Variants in HYCC1 observed in about 807,000 individuals in gnomAD.
HYCC1 encodes the protein hyccin PI4KA lipid kinase complex subunit 1.
the HYCC1 span, among the ~76,000 whole-genome samples, chr7:22,951,006 T>C: frequency 1.3e-4 from 19 of 151,986 alleles, no homozygotes; most frequent in African/African-American, 4.3e-4. Context: ...TATGCACAAA[T>C]AGGTAAACTC....
the HYCC1 span, among the ~76,000 whole-genome samples, chr7:22,997,385 G>C: frequency 6.6e-6 from 1 of 151,980 alleles, no homozygotes; most frequent in African/African-American, 2.4e-5. Flanking sequence ...TCATTATGAA[G>C]CTTAAGTTTC....
At chr7:22,935,869 G>T in the HYCC1 span, 1 of 148,676 alleles carries the variant, frequency 6.7e-6, no homozygotes, top group African/African-American at 2.4e-5. Context: ...GGCTGGTCTT[G>T]AACTTCTGAC....
the HYCC1 span, among the ~76,000 whole-genome samples, chr7:22,969,463 C>A: frequency 6.7e-6 from 1 of 149,538 alleles, no homozygotes; most frequent in African/African-American, 2.5e-5. Context: ...AACGTCTGGC[C>A]ATCCTGAGGC....
the HYCC1 span, among the ~76,000 whole-genome samples, chr7:22,962,870 T>A: frequency 6.7e-6 from 1 of 148,304 alleles, no homozygotes; most frequent in South Asian, 2.2e-4. Flanking sequence ...AAGAAACCTA[T>A]CTGCAGTGGA....
chr7:22,946,581 T>C, the HYCC1 span, among the ~76,000 whole-genome samples: 1 of 152,020 alleles, frequency 6.6e-6, no homozygotes, highest in Non-Finnish European at 1.5e-5. Context: ...AAAGACTTTT[T>C]TAGAAGGTTG....
At chr7:22,909,144 T>A in the HYCC1 span, among the ~76,000 whole-genome samples, 2 of 152,144 alleles carry the variant, frequency 1.3e-5, no homozygotes, top group African/African-American at 4.8e-5. Flanking sequence ...GAAATGTAAT[T>A]CCCAGTGTTG....
At chr7:23,005,492 G>T in the HYCC1 span, among the ~76,000 whole-genome samples, 1 of 152,120 alleles carries the variant, frequency 6.6e-6, no homozygotes, top group Non-Finnish European at 1.5e-5. Flanking sequence ...CAGGAGTAAG[G>T]CTTCATCAGA....
the HYCC1 span, among the ~76,000 whole-genome samples, chr7:23,001,712 G>T: frequency 6.6e-6 from 1 of 151,898 alleles, no homozygotes; most frequent in East Asian, 1.9e-4. Flanking sequence ...TGAAGGAAAA[G>T]AAAAAAGATG....
At chr7:22,990,930 G>A in the HYCC1 span, 12 of 666,364 alleles carry the variant, frequency 1.8e-5, no homozygotes, top group Admixed American at 5.0e-5. Flanking sequence ...ACTCTCTATT[G>A]AGATTTGATA....
At chr7:23,013,260 G>A in the HYCC1 span, among the ~76,000 whole-genome samples, 1 of 152,174 alleles carries the variant, frequency 6.6e-6, no homozygotes, top group Non-Finnish European at 1.5e-5. Context: ...AGAAAGAAGG[G>A]GCAAGGGCTC....
chr7:22,913,011 C>T, the HYCC1 span, among the ~76,000 whole-genome samples: 55 of 151,966 alleles, frequency 3.6e-4, no homozygotes, highest in African/African-American at 1.2e-3. Flanking sequence ...GTAATCCCAG[C>T]TACTTGGGAA....
chr7:22,923,933 G>GGCT, the HYCC1 span, among the ~76,000 whole-genome samples: 128 of 143,470 alleles, frequency 8.9e-4, no homozygotes, highest in African/African-American at 3.0e-3. Context: ...CAGGCAGGCA[G>GGCT]ATCACTTGAG....
At chr7:22,933,807 G>A in the HYCC1 span, among the ~76,000 whole-genome samples, 1 of 151,930 alleles carries the variant, frequency 6.6e-6, no homozygotes, top group East Asian at 1.9e-4. Flanking sequence ...CTAATAACTG[G>A]GTCATCTGTG....
chr7:22,982,476 T>C, the HYCC1 span, among the ~76,000 whole-genome samples: 1 of 152,158 alleles, frequency 6.6e-6, no homozygotes, highest in Admixed American at 6.5e-5. Flanking sequence ...TCAATTTTGG[T>C]AGTTTCATCC....
the HYCC1 span, among the ~76,000 whole-genome samples, chr7:22,998,179 G>A: frequency 6.6e-6 from 1 of 152,162 alleles, no homozygotes; most frequent in African/African-American, 2.4e-5. Flanking sequence ...GAGAAGTTAG[G>A]AAGAACTATT....
At chr7:22,990,272 T>C in the HYCC1 span, among the ~76,000 whole-genome samples, 1 of 152,216 alleles carries the variant, frequency 6.6e-6, no homozygotes. Context: ...TTCCTCCAAA[T>C]TACTATAATT....
chr7:22,932,402 C>T, the HYCC1 span, among the ~76,000 whole-genome samples: 30 of 152,260 alleles, frequency 2.0e-4, no homozygotes, highest in East Asian at 5.0e-3. Flanking sequence ...ATTATTCTTA[C>T]ATCTTGAATC....
At chr7:22,996,919 T>C in the HYCC1 span, among the ~76,000 whole-genome samples, 1 of 152,154 alleles carries the variant, frequency 6.6e-6, no homozygotes, top group African/African-American at 2.4e-5. Context: ...TGTAAAAACT[T>C]TATTCTTCTC....
At chr7:22,983,992 A>T in the HYCC1 span, 1 of 1,609,554 alleles carries the variant, frequency 6.2e-7, no homozygotes, top group Admixed American at 1.7e-5. Context: ...AAACTAAAGA[A>T]CTCTTGTCTT....
Sources: gnomAD v4.1 joint callset for allele counts (sites outside exome capture counted in the v4.1 genomes callset) on GRCh38, gnomAD v4.1.1 for gene constraint, MANE v1.5 for transcripts, NCBI Gene and HGNC (gene_info 2026-07-23, HGNC 2026-07-21) for gene names.